Variants in LYSMD1 observed in about 807,000 individuals in gnomAD.
The protein encoded by LYSMD1 is LysM domain containing 1, also known as lysM and putative peptidoglycan-binding domain-containing protein 1.
Under a neutral mutation model 19.3 loss-of-function variants are expected in LYSMD1, and 9 were observed. That is an observed-to-expected ratio of 0.47 (90% confidence interval 0.28 to 0.81). LYSMD1 has a LOEUF of 0.81. Ranked by LOEUF, LYSMD1 falls within the 40% of genes least tolerant of loss-of-function variation. The probability of loss-of-function intolerance (pLI) is 0.11; values close to 1 mark genes in which losing one functional copy is unlikely to be tolerated. For missense variants in LYSMD1, 262 were observed against 279.8 expected, an observed-to-expected ratio of 0.94 and a Z score of 0.45; for synonymous variants, 111 against 111.7, an observed-to-expected ratio of 0.99 and a Z score of 0.04.
chr1:151,152,177 C>T, the LYSMD1 span, among the ~76,000 whole-genome samples: 1 of 151,592 alleles, frequency 6.6e-6, no homozygotes, highest in Non-Finnish European at 1.5e-5. Flanking sequence ...GCAGGCGAAT[C>T]ATGAGGTCAG....
chr1:151,165,850 C>G lies in LYSMD1; in HGVS notation c.-592G>C. The G allele has an allele frequency of 7.7e-7, 1 of 1,300,898 alleles. No homozygotes were observed. Among genetic ancestry groups the G allele is most frequent in the African/African-American group, 1.5e-5 (1 of 68,252 alleles). 80.6% of individuals were successfully genotyped at this position (1,300,898 alleles called of 1,614,324 possible). A position where few individuals can be genotyped will look rare whatever the true frequency, so the allele number is the denominator to read the frequency against. On this transcript the variant is annotated 5_prime_UTR_variant, in exon 1 of 3. Coordinates refer to ENST00000368908, the MANE Select transcript of LYSMD1 (RefSeq NM_212551.5). ...GTTGTCCCTCCAAACGCCTCAGATC[C>G]GCCAAGATGCAAGGGCCTGGATCCA...
rs777820791 is a variant in LYSMD1 at position 151,161,877 on chromosome 1, C to T, written c.404G>A (p.Gly135Asp). Residue 135 changes from glycine to aspartate, a missense_variant, in exon 2 of 3, where the codon GGT becomes GAT. By Grantham distance (94) the Gly-to-Asp change is moderately conservative. Transcript: ENST00000368908. ...KQETGAGRAN[G>D]EVLPTPGQET... The stretch of plus-strand genomic sequence containing the variant: ...CTGGCCAGGTGTGGGGAGGACTTCA[C>T]CATTGGCACGTCCTGCTCCTGTCTC... 6.2e-7 allele frequency: 1 copy of T among 1,614,094 alleles called. No individual in the cohort carries two copies. The highest frequency in any genetic ancestry group is 8.5e-7 in the Non-Finnish European group (1 of 1,180,010).
At chr1:151,154,079 T>C in the LYSMD1 span, among the ~76,000 whole-genome samples, 5 of 152,358 alleles carry the variant, frequency 3.3e-5, no homozygotes, top group Admixed American at 2.6e-4. Context: ...TTCTTGGATA[T>C]GTTTTGACTT....
chr1:151,162,195 T>G (rs1683483023), intron 1 of LYSMD1, 95 bp from the exon 2 acceptor site: 4 of 1,192,886 alleles, frequency 3.4e-6, no homozygotes, highest in South Asian at 3.0e-5. Context: ...CTTCTTTGAT[T>G]CCATAACAAC....
At chr1:151,156,092 C>T (rs1321866895), downstream of LYSMD1, among the ~76,000 whole-genome samples, 9 of 99,586 alleles carry the variant, frequency 9.0e-5, no homozygotes, top group Non-Finnish European at 1.5e-4. Flanking sequence ...AAGAGCAAAA[C>T]TCTGTCTCAA....
chr1:151,159,347 C>G (rs149142666), downstream of LYSMD1: 646 of 1,260,286 alleles, frequency 5.1e-4, 5 homozygotes, highest in East Asian at 0.015. Context: ...GGCACTAACA[C>G]TTTTCAATCT....
At chr1:151,164,457 G>C (rs1362561651) in intron 1 of LYSMD1, among the ~76,000 whole-genome samples, 1 of 152,168 alleles carries the variant, frequency 6.6e-6, no homozygotes, top group African/African-American at 2.4e-5. Context: ...CAACTTCAAT[G>C]CTGTACATTT....
At chr1:151,154,989 AC>A (rs1221091074), downstream of LYSMD1, among the ~76,000 whole-genome samples, 3 of 151,694 alleles carry the variant, frequency 2.0e-5, no homozygotes, top group Admixed American at 1.3e-4. Context: ...CAAACTTCTG[AC>A]CTCAGGTGAT....
At position 151,165,664 on chromosome 1, in the gene LYSMD1, G is replaced by C; in HGVS notation, c.-406C>G. On this transcript the variant is annotated 5_prime_UTR_variant, in exon 1 of 3. Coordinates refer to ENST00000368908, the MANE Select transcript of LYSMD1 (RefSeq NM_212551.5). ...CCCCGGTCCCGGGGTTTGTTTGCTA[G>C]AGTCAGGAACAAATCAGGCCCACCC... 1 of 1,550,368 alleles carries C rather than the reference G, an allele frequency of 6.5e-7. No individual in the cohort carries two copies. The highest frequency in any genetic ancestry group is 8.7e-7 in the Non-Finnish European group (1 of 1,146,822).
At chr1:151,152,721 C>G in the LYSMD1 span, among the ~76,000 whole-genome samples, 2 of 151,850 alleles carry the variant, frequency 1.3e-5, no homozygotes, top group Non-Finnish European at 2.9e-5. Flanking sequence ...AATAAATACC[C>G]CAAACAAAAA....
intron 1 of LYSMD1, among the ~76,000 whole-genome samples, chr1:151,163,159 C>T (rs1683513235): frequency 6.6e-6 from 1 of 151,956 alleles, no homozygotes; most frequent in African/African-American, 2.4e-5. Context: ...ATGCTCCCAC[C>T]CCCCTACTAT....
intron 2 of LYSMD1, among the ~76,000 whole-genome samples, chr1:151,161,236 G>A (rs1683436463): frequency 6.6e-6 from 1 of 152,184 alleles, no homozygotes; most frequent in African/African-American, 2.4e-5. Flanking sequence ...TGTGGCTCAC[G>A]CCTGTAATTC....
chr1:151,153,424 G>A, the LYSMD1 span, among the ~76,000 whole-genome samples: 12 of 152,232 alleles, frequency 7.9e-5, no homozygotes, highest in East Asian at 2.3e-3. Context: ...GGAGGTCGAG[G>A]TGGGTGGATC....
rs75980423 is a variant in LYSMD1, at chr1:151,161,569, C to T, written c.545+167G>A. 3.5e-3 allele frequency among the ~76,000 whole-genome samples: 535 copies of T among 152,214 alleles called. 3 individuals are homozygous for T. Among genetic ancestry groups the T allele is most frequent in the South Asian group, 8.9e-3 (43 of 4,816 alleles). ...AACCCAGTTTTCCACTGCCTCTACC[C>T]AGGCCAGCAGCCATCACCTCTGCTC... is the stretch of plus-strand genomic sequence containing the variant. On this transcript the variant is annotated intron_variant, in intron 2 of 2. Transcript: ENST00000368908.
At position 151,165,650 on chromosome 1, in the gene LYSMD1, G is replaced by T. The variant is rs936210625; in HGVS notation, c.-392C>A. 3.9e-6 allele frequency: 6 copies of T among 1,548,314 alleles called. No homozygotes were observed. In the African/African-American group the frequency reaches 8.2e-5, roughly 21 times the overall value. ...AACATCCCAGCTCTCCCCGGTCCCGGGGTTTGTTTGCTAGAGTCAGGAACA... is the reference window on the plus strand; with the variant it reads ...AACATCCCAGCTCTCCCCGGTCCCGTGGTTTGTTTGCTAGAGTCAGGAACA... On this transcript the variant is annotated 5_prime_UTR_variant, in exon 1 of 3. Transcript: ENST00000368908.
chr1:151,158,480 G>A (rs911527366), downstream of LYSMD1, among the ~76,000 whole-genome samples: 5 of 151,966 alleles, frequency 3.3e-5, no homozygotes, highest in East Asian at 7.7e-4. Context: ...GGGCTGTTTT[G>A]GAGTCAAGAT....
At position 151,165,269 on chromosome 1, in the gene LYSMD1, T is replaced by G. The variant is rs778292437; in HGVS notation, c.-11A>C. On this transcript the variant is annotated 5_prime_UTR_variant, in exon 1 of 3. Coordinates refer to ENST00000368908, the MANE Select transcript of LYSMD1 (RefSeq NM_212551.5). ...AGACGGGGAAGCCATCTCTTCACCC[T>G]GCCAACAGCTAAGGTTGCAACTAGG... The G allele has an allele frequency of 1.2e-6, 2 of 1,609,248 alleles. No individual in the cohort carries two copies. Among genetic ancestry groups the G allele is most frequent in the South Asian group, 1.1e-5 (1 of 90,764 alleles).
At chr1:151,150,897 C>T in the LYSMD1 span, among the ~76,000 whole-genome samples, 2 of 151,948 alleles carry the variant, frequency 1.3e-5, no homozygotes, top group South Asian at 4.2e-4. Context: ...CACCACCACG[C>T]CCAGCTAATT....
chr1:151,162,035 G>A lies in LYSMD1; in HGVS notation c.246C>T (p.Leu82=), dbSNP rs368807734. Residue 82 remains leucine, a synonymous_variant, in exon 2 of 3, where the codon CTC becomes CTT. Coordinates refer to ENST00000368908, the MANE Select transcript of LYSMD1 (RefSeq NM_212551.5). ...TGGGCTCTGTCAGGATGGGGATGTAGAGGGTTTTCTTCAGGAAGATGGAGT... is the reference window on the plus strand; with the variant it reads ...TGGGCTCTGTCAGGATGGGGATGTAAAGGGTTTTCTTCAGGAAGATGGAGT... The part of the protein sequence containing the change: ...TNDSIFLKKT[L]YIPILTEPRD... 6.8e-5 allele frequency: 109 copies of A among 1,613,244 alleles called. No individual in the cohort carries two copies. Among genetic ancestry groups the A allele is most frequent in the Non-Finnish European group, 8.9e-5 (105 of 1,179,854 alleles).
Sources: allele counts gnomAD v4.1 joint callset (sites outside exome capture counted in the v4.1 genomes callset), GRCh38; gene constraint gnomAD v4.1.1; transcripts MANE v1.5; gene names NCBI Gene and HGNC (gene_info 2026-07-23, HGNC 2026-07-21).